HELZ: variants seen among roughly 807,000 people sequenced by gnomAD.
HELZ encodes ATP-dependent RNA helicase with zinc finger domain.
HELZ carries 23 observed loss-of-function variants against 218.2 expected under a neutral mutation model. The ratio of observed to expected loss-of-function variants is 0.11; its 90% confidence interval spans 0.08 to 0.15. The LOEUF (loss-of-function observed/expected upper bound fraction) is 0.15. HELZ is among the 10% of genes least tolerant of loss of function. The pLI is 1.00. For synonymous variants in HELZ, 814 were observed against 829.4 expected (o/e 0.98, Z 0.32); for missense variants, 1,813 against 2,353.7 (o/e 0.77, Z 4.75).
chr17:67,229,929 C>T (rs1258941281), intron 3 of HELZ, among the ~76,000 whole-genome samples: 1 of 152,120 alleles, frequency 6.6e-6, no homozygotes, highest in Admixed American at 6.5e-5. Flanking sequence ...GATCATCAAC[C>T]GTGGTCTCTT....
intron 29 of HELZ, 45 bp downstream of exon 29, chr17:67,109,071 T>C (rs754307785): frequency 2.1e-6 from 3 of 1,423,698 alleles, no homozygotes; most frequent in Non-Finnish European, 2.9e-6. Flanking sequence ...CCAAGTCATG[T>C]TAAGTAATCT....
At chr17:67,163,093 A>C (rs1020515422) in intron 15 of HELZ, among the ~76,000 whole-genome samples, 1 of 152,240 alleles carries the variant, frequency 6.6e-6, no homozygotes. Flanking sequence ...CATTTGCATC[A>C]GATGGTTATT....
At chr17:67,156,681 C>T (rs1436724157) in intron 17 of HELZ, among the ~76,000 whole-genome samples, 1 of 152,048 alleles carries the variant, frequency 6.6e-6, no homozygotes, top group African/African-American at 2.4e-5. Context: ...CAGCCCTCCT[C>T]TCCCCTAACA....
chr17:67,236,043 A>G (rs1482565797), intron 3 of HELZ, among the ~76,000 whole-genome samples: 1 of 152,086 alleles, frequency 6.6e-6, no homozygotes, highest in African/African-American at 2.4e-5. Context: ...TACAGGCGTG[A>G]GCCACTGCAC....
chr17:67,132,246 G>GTGTGTGTGTA (rs369179550), intron 23 of HELZ, among the ~76,000 whole-genome samples: 1 of 151,212 alleles, frequency 6.6e-6, no homozygotes, highest in African/African-American at 2.4e-5. Context: ...GTGTGTGTGT[G>GTGTGTGTGTA]TACACAAATA....
At chr17:67,241,566 T>C (rs2041315182) in intron 2 of HELZ, among the ~76,000 whole-genome samples, 1 of 152,250 alleles carries the variant, frequency 6.6e-6, no homozygotes, top group South Asian at 2.1e-4. Flanking sequence ...AAAATGACTT[T>C]TCCTGTTGTT....
At chr17:67,125,414 T>C (rs2037762739) in intron 24 of HELZ, among the ~76,000 whole-genome samples, 2 of 144,260 alleles carry the variant, frequency 1.4e-5, no homozygotes, top group Admixed American at 1.4e-4. Context: ...AACATCAAGA[T>C]GGCAAAAGTA....
intron 24 of HELZ, among the ~76,000 whole-genome samples, chr17:67,125,812 T>C (rs918362809): frequency 2.0e-5 from 3 of 152,126 alleles, no homozygotes; most frequent in Non-Finnish European, 4.4e-5. Context: ...TCTAATCCCA[T>C]GAGCCCTAAA....
rs566929147 is a variant in HELZ at position 67,089,239 on chromosome 17, GC to G, written c.5242-2159del. 2.0e-5 allele frequency among the ~76,000 whole-genome samples: 3 copies of G among 152,176 alleles called. No individual in the cohort carries two copies. The East Asian group carries it at 5.8e-4, about 29-fold the overall frequency. ...TGAATTTCAGGCGTTAACTTTATAA[GC>G]CCCTTTTCATTAAATAACGAACATA... On this transcript the variant is annotated intron_variant, in intron 31 of 32. Transcript: ENST00000358691.
chr17:67,081,218 G>A (rs1359549285), intron 32 of HELZ, among the ~76,000 whole-genome samples: 1 of 152,144 alleles, frequency 6.6e-6, no homozygotes, highest in East Asian at 1.9e-4. Context: ...GTGAAGCAAA[G>A]CTACTCAGAT....
chr17:67,102,602 A>C (rs2036963514), intron 31 of HELZ, among the ~76,000 whole-genome samples: 1 of 152,194 alleles, frequency 6.6e-6, no homozygotes, highest in Non-Finnish European at 1.5e-5. Flanking sequence ...ACGTTAAAGA[A>C]ATTATTTTAA....
rs1218058266 is a variant in HELZ, at chr17:67,108,367, C to A, written c.4724+125G>T. 11 of 704,708 alleles carry A rather than the reference C, an allele frequency of 1.6e-5. No individual in the cohort carries two copies. The highest frequency in any genetic ancestry group is 2.5e-5 in the Non-Finnish European group (10 of 405,218). The allele number at this position is 704,708 out of a possible 1,614,324, so 43.7% of individuals were successfully genotyped here. ...CAACAAGAGAACTGTGTAGCGTGTGCTTGGAAGGCCAGCATCCAATTTCTC... is the reference window on the plus strand; with the variant it reads ...CAACAAGAGAACTGTGTAGCGTGTGATTGGAAGGCCAGCATCCAATTTCTC... On this transcript the variant is annotated intron_variant, in intron 30 of 32. Transcript: ENST00000358691. This position sits in a 1 kb window ranked among gnomAD's most constrained non-coding sequence, Gnocchi z 4.1.
At position 67,109,454 on chromosome 17, in the gene HELZ, T is replaced by C; in HGVS notation, c.4151A>G (p.Gln1384Arg). The change falls in exon 29 of 33, where the codon CAG (glutamine) becomes CGG (arginine). Residue 1384 changes from glutamine (Q) to arginine (R), a missense_variant. This residue lies in a region of HELZ where 938 missense variants were observed against 1,027.5 expected (regional missense o/e 0.91). Coordinates refer to ENST00000358691, the MANE Select transcript of HELZ (RefSeq NM_014877.4). ...ATTTGGTTGTTCAGGCAAATTATTC[T>C]GCTGCTGATTTAACAAGGTGTGCTG... ...PQQHTLLNQQ[Q>R]NNLPEQPNQI... The C allele has an allele frequency of 1.2e-6, 2 of 1,614,204 alleles. No homozygotes were observed. Among genetic ancestry groups the C allele is most frequent in the Non-Finnish European group, 1.7e-6 (2 of 1,180,036 alleles).
intron 15 of HELZ, 81 bp from the exon 16 acceptor site, chr17:67,161,157 G>T: frequency 9.1e-7 from 1 of 1,101,692 alleles, no homozygotes; most frequent in Non-Finnish European, 1.3e-6. Context: ...GTGAATTTCA[G>T]TGAACCATTA....
At position 67,137,963 on chromosome 17, in the gene HELZ, T is replaced by A. The variant is rs1246947289; in HGVS notation, c.2921A>T (p.Asp974Val). 1.9e-6 allele frequency: 3 copies of A among 1,612,806 alleles called. No individual in the cohort carries two copies. Among genetic ancestry groups the A allele is most frequent in the Admixed American group, 3.3e-5 (2 of 59,938 alleles). Residue 974 changes from aspartate to valine, a missense_variant, in exon 22 of 33, where the codon GAT becomes GTT. Transcript: ENST00000358691. Reference sequence around the variant, plus strand: ...ATTTAGCACCCTTTCTACATTAACATCAGATAATCTCTTTTTTCGAAGTTC... The same window carrying A: ...ATTTAGCACCCTTTCTACATTAACAACAGATAATCTCTTTTTTCGAAGTTC... The part of the protein sequence containing the change: ...RAELRKKRLS[D>V]VNVERVLNVQ...
intron 21 of HELZ, among the ~76,000 whole-genome samples, chr17:67,141,137 A>C (rs1338810399): frequency 2.0e-5 from 3 of 152,204 alleles, no homozygotes; most frequent in African/African-American, 7.2e-5. Context: ...ACACAAACAA[A>C]GAATCTTGGT....
upstream of HELZ, chr17:67,245,354 C>T (rs1387354923): frequency 1.4e-6 from 1 of 709,852 alleles, no homozygotes; most frequent in Non-Finnish European, 1.7e-6. Flanking sequence ...GCCCCTTCCC[C>T]TCCCCCGGGC....
At position 67,231,099 on chromosome 17, in the gene HELZ, A is replaced by T. The variant is rs532487205; in HGVS notation, c.-19+8334T>A. On this transcript the variant is annotated intron_variant, in intron 3 of 32. Transcript: ENST00000358691. Reference sequence around the variant, plus strand: ...ACCAGAGAAACCCAAATTGAGGACCATTCTATTAAATATCCAAATAGTACT... The same window carrying T: ...ACCAGAGAAACCCAAATTGAGGACCTTTCTATTAAATATCCAAATAGTACT... Among the ~76,000 whole-genome samples, 25 of 152,336 alleles carry T rather than the reference A, an allele frequency of 1.6e-4. 1 individual carries two copies. The highest frequency in any genetic ancestry group is 6.0e-4 in the African/African-American group (25 of 41,582).
chr17:67,159,165 C>A (rs920042702), intron 17 of HELZ, among the ~76,000 whole-genome samples: 3 of 152,208 alleles, frequency 2.0e-5, no homozygotes, highest in African/African-American at 7.2e-5. Flanking sequence ...TTGATGAATG[C>A]ATCCTTCAAT....
Sources: gnomAD v4.1 joint callset for allele counts (sites outside exome capture counted in the v4.1 genomes callset) on GRCh38, gnomAD v4.1.1 for gene constraint, gnomAD v4.1.1 regional missense constraint, Gnocchi (gnomAD v3.1) non-coding constraint, MANE v1.5 for transcripts, NCBI Gene and HGNC (gene_info 2026-07-23, HGNC 2026-07-21) for gene names.